Variants in PCDH11X observed in about 807,000 individuals in gnomAD.
The protein encoded by PCDH11X is protocadherin-11 X-linked.
PCDH11X carries 18 observed loss-of-function variants against 53.3 expected under a neutral mutation model. The observed-to-expected ratio is 0.34, with a 90% CI of 0.23 to 0.50. PCDH11X has a LOEUF of 0.50. PCDH11X is among the 20% of genes least tolerant of loss of function. The pLI is 0.98. For missense variants in PCDH11X, 570 were observed against 1,032.4 expected, an observed-to-expected ratio of 0.55 and a Z score of 6.14; for synonymous variants, 279 against 393.3, an observed-to-expected ratio of 0.71 and a Z score of 3.44.
intron 6 of PCDH11X, among the ~76,000 whole-genome samples, chrX:92,023,270 A>G (rs1467725760): frequency 3.7e-5 from 4 of 109,193 alleles, no homozygotes; most frequent in Non-Finnish European, 7.6e-5. Flanking sequence ...TAGACAGACC[A>G]CTAGCTAGAC....
intron 1 of PCDH11X, among the ~76,000 whole-genome samples, chrX:91,808,431 G>C (rs916613657): frequency 9.2e-6 from 1 of 108,950 alleles, no homozygotes; most frequent in Non-Finnish European, 1.9e-5. Flanking sequence ...GGAGACGGAG[G>C]TTGCAGTGAG....
chrX:92,256,426 G>A (rs1005834112), intron 7 of PCDH11X, among the ~76,000 whole-genome samples: 2 of 111,699 alleles, frequency 1.8e-5, no homozygotes, highest in Non-Finnish European at 3.8e-5. Context: ...GCTGGGAGCT[G>A]TAGACCGGAG....
At chrX:92,100,532 C>T (rs940375570) in intron 6 of PCDH11X, among the ~76,000 whole-genome samples, 55 of 110,130 alleles carry the variant, frequency 5.0e-4, no homozygotes, top group African/African-American at 1.7e-3. Context: ...AGGCAAGGAC[C>T]GGCCATTTAC....
chrX:92,243,780 G>A (rs1186340773), intron 7 of PCDH11X, among the ~76,000 whole-genome samples: 3 of 110,885 alleles, frequency 2.7e-5, no homozygotes, highest in Non-Finnish European at 5.7e-5. Context: ...GGTTGTTCAC[G>A]TAGCCCACTT....
chrX:92,470,718 T>C (rs1206943114), intron 10 of PCDH11X, among the ~76,000 whole-genome samples: 2 of 111,610 alleles, frequency 1.8e-5, no homozygotes, highest in Non-Finnish European at 3.8e-5. Context: ...ATATGATTTT[T>C]GTCTTTTATT....
chrX:91,898,870 T>C (rs1380067337), intron 6 of PCDH11X, among the ~76,000 whole-genome samples: 1 of 110,124 alleles, frequency 9.1e-6, no homozygotes, highest in Non-Finnish European at 1.9e-5. Context: ...ATATATCTAC[T>C]GTGACCTTGG....
intron 8 of PCDH11X, among the ~76,000 whole-genome samples, chrX:92,343,538 A>G (rs1272444414): frequency 9.1e-6 from 1 of 110,264 alleles, no homozygotes; most frequent in African/African-American, 3.3e-5. Context: ...AAAATGTTTT[A>G]TATAAAGCTA....
chrX:92,151,509 C>T (rs949210516), intron 6 of PCDH11X, among the ~76,000 whole-genome samples: 14 of 111,454 alleles, frequency 1.3e-4, no homozygotes, highest in African/African-American at 4.2e-4. Flanking sequence ...TTTAAAAATA[C>T]GAATAGATGA....
chrX:91,909,083 C>A (rs1015803561), intron 6 of PCDH11X, among the ~76,000 whole-genome samples: 18 of 110,750 alleles, frequency 1.6e-4, no homozygotes, highest in African/African-American at 5.3e-4. Flanking sequence ...GAAAACAGCA[C>A]ATTATTAAAG....
At chrX:91,905,071 A>G (rs35188285) in intron 6 of PCDH11X, among the ~76,000 whole-genome samples, 2 of 105,856 alleles carry the variant, frequency 1.9e-5, no homozygotes, top group Non-Finnish European at 3.9e-5. Flanking sequence ...GTATAAAGAG[A>G]AACAGCTTTT....
chrX:92,190,144 T>C (rs1188346065), intron 6 of PCDH11X, among the ~76,000 whole-genome samples: 1 of 112,000 alleles, frequency 8.9e-6, no homozygotes, highest in African/African-American at 3.2e-5. Context: ...CCTGTGCTTA[T>C]GCCCTGAATG....
At chrX:91,860,046 T>C (rs1378988985) in intron 5 of PCDH11X, among the ~76,000 whole-genome samples, 2 of 109,578 alleles carry the variant, frequency 1.8e-5, no homozygotes, top group South Asian at 4.0e-4. Flanking sequence ...ATAAATTACT[T>C]TGGGCAGTGT....
intron 8 of PCDH11X, among the ~76,000 whole-genome samples, chrX:92,356,344 AG>A (rs1569472807): frequency 9.4e-6 from 1 of 106,279 alleles, no homozygotes; most frequent in Non-Finnish European, 1.9e-5. Context: ...TACCAAATTT[AG>A]CTCTAATATG....
At chrX:92,532,632 C>A in intron 10 of PCDH11X, among the ~76,000 whole-genome samples, 1 of 93,525 alleles carries the variant, frequency 1.1e-5, no homozygotes, top group Non-Finnish European at 2.1e-5. Flanking sequence ...ATATATTTAA[C>A]AAGAAGAAAG....
At chrX:92,442,309 G>T (rs763259746) in intron 9 of PCDH11X, among the ~76,000 whole-genome samples, 1 of 109,933 alleles carries the variant, frequency 9.1e-6, no homozygotes, top group East Asian at 2.9e-4. Flanking sequence ...TTTGAGAGGG[G>T]CCAGGGGTGG....
At chrX:92,017,367 A>T (rs1038038902) in intron 6 of PCDH11X, among the ~76,000 whole-genome samples, 6 of 110,390 alleles carry the variant, frequency 5.4e-5, no homozygotes, top group African/African-American at 2.0e-4. Context: ...AAAATTAAAA[A>T]TTATGAAAAA....
At chrX:92,518,619 A>G (rs1308429904) in intron 10 of PCDH11X, among the ~76,000 whole-genome samples, 1 of 111,122 alleles carries the variant, frequency 9.0e-6, no homozygotes, top group Non-Finnish European at 1.9e-5. Context: ...AGGTAGAATA[A>G]TCAGGGCCTT....
intron 8 of PCDH11X, among the ~76,000 whole-genome samples, chrX:92,271,346 G>T (rs751452853): frequency 1.8e-5 from 2 of 112,211 alleles, no homozygotes; most frequent in East Asian, 5.6e-4. Flanking sequence ...AACAGTGCAG[G>T]ATGTTCAGGT....
chrX:92,362,003 G>T (rs371412225), intron 8 of PCDH11X, among the ~76,000 whole-genome samples: 1 of 111,208 alleles, frequency 9.0e-6, no homozygotes, highest in Non-Finnish European at 1.9e-5. Context: ...AATACCTTCC[G>T]TTTTAAAGTG....
Sources: allele counts gnomAD v4.1 joint callset (sites outside exome capture counted in the v4.1 genomes callset), GRCh38; gene constraint gnomAD v4.1.1; transcripts MANE v1.5; gene names NCBI Gene and HGNC (gene_info 2026-07-23, HGNC 2026-07-21).